The following CNTN4 variants were observed in gnomAD, a reference collection of about 807,000 sequenced individuals.
CNTN4 encodes the protein contactin 4.
A neutral mutation model predicts 122.5 loss-of-function variants in CNTN4; 77 were observed. The observed-to-expected ratio is 0.63, with a 90% CI of 0.52 to 0.76. CNTN4 has a LOEUF of 0.76. Among genes scored for constraint, CNTN4 ranks in the 30% least tolerant of loss-of-function variants. CNTN4 has a pLI of 0.00. For synonymous variants in CNTN4, 512 were observed against 447.0 expected (o/e 1.15, Z -1.83); for missense variants, 1,256 against 1,259.1 (o/e 1.00, Z 0.04).
At chr3:2,762,150 A>T (rs1032563032) in intron 6 of CNTN4, among the ~76,000 whole-genome samples, 1 of 152,234 alleles carries the variant, frequency 6.6e-6, no homozygotes, top group Non-Finnish European at 1.5e-5. Context: ...AACGAAGGGC[A>T]GAATAAGCAG....
chr3:2,657,187 A>G (rs79350564), intron 4 of CNTN4, among the ~76,000 whole-genome samples: 7,231 of 152,292 alleles, frequency 0.047, 191 homozygotes, highest in Admixed American at 0.071. Context: ...TGTCTTTGTA[A>G]ACATTCCTAC....
In CNTN4 at chr3:2,100,549, C is replaced by G. The variant is rs575276544; in HGVS notation, c.-226-9C>G. The G allele has an allele frequency of 6.6e-4, 101 of 152,334 alleles. No homozygotes were observed. Among genetic ancestry groups the G allele is most frequent in the African/African-American group, 2.3e-3 (96 of 41,556 alleles). 9.4% of individuals were successfully genotyped at this position (152,334 alleles called of 1,614,324 possible). On this transcript the variant is annotated splice_polypyrimidine_tract_variant and intron_variant, in intron 1 of 24. Coordinates refer to ENST00000418658, the MANE Select transcript of CNTN4 (RefSeq NM_175607.3). Reference sequence around the variant, plus strand: ...AAGTTTGTTCTCTCTTTCTCTCTCTCTACCCAAGTGGGTGAAAAAGAACAG... The same window carrying G: ...AAGTTTGTTCTCTCTTTCTCTCTCTGTACCCAAGTGGGTGAAAAAGAACAG...
At chr3:2,369,042 A>G (rs1176826947) in intron 3 of CNTN4, among the ~76,000 whole-genome samples, 2 of 152,074 alleles carry the variant, frequency 1.3e-5, no homozygotes, top group African/African-American at 4.8e-5. Flanking sequence ...CTCCTGCCTC[A>G]GCTCCCGAGT....
At chr3:2,198,455 A>C (rs1246413215) in intron 2 of CNTN4, among the ~76,000 whole-genome samples, 1 of 152,160 alleles carries the variant, frequency 6.6e-6, no homozygotes, top group Non-Finnish European at 1.5e-5. Flanking sequence ...ACTTTACAGT[A>C]ATTTTACTTA....
intron 2 of CNTN4, among the ~76,000 whole-genome samples, chr3:2,185,316 A>G (rs191974150): frequency 9.2e-5 from 14 of 152,256 alleles, no homozygotes; most frequent in Non-Finnish European, 1.2e-4. Flanking sequence ...CCTTTGCAGG[A>G]AAGTGCTTTC....
intron 2 of CNTN4, among the ~76,000 whole-genome samples, chr3:2,231,232 T>C (rs2039474946): frequency 6.6e-6 from 1 of 152,162 alleles, no homozygotes; most frequent in Non-Finnish European, 1.5e-5. Flanking sequence ...ACATTGCAAA[T>C]ACTCAATAGT....
intron 3 of CNTN4, among the ~76,000 whole-genome samples, chr3:2,371,378 C>T (rs1369610862): frequency 6.6e-6 from 1 of 152,126 alleles, no homozygotes; most frequent in African/African-American, 2.4e-5. Flanking sequence ...CTTTAACACC[C>T]TATTTAAAAT....
chr3:2,272,547 G>A (rs752919875), intron 2 of CNTN4, among the ~76,000 whole-genome samples: 2 of 152,086 alleles, frequency 1.3e-5, no homozygotes, highest in Non-Finnish European at 2.9e-5. Flanking sequence ...AGATCTTTGT[G>A]CATACCAATT....
chr3:2,830,272 A>C (rs967422358), intron 7 of CNTN4, among the ~76,000 whole-genome samples: 70 of 152,320 alleles, frequency 4.6e-4, no homozygotes, highest in African/African-American at 1.6e-3. Context: ...AGTTGAGTAC[A>C]TCTCTATTTT....
At chr3:2,306,305 A>G (rs571429788) in intron 2 of CNTN4, among the ~76,000 whole-genome samples, 3 of 152,130 alleles carry the variant, frequency 2.0e-5, no homozygotes, top group African/African-American at 7.2e-5. Flanking sequence ...ATATGTTGCT[A>G]GATTTGTGGT....
At chr3:2,100,799 T>C (rs1005049135) in intron 2 of CNTN4, among the ~76,000 whole-genome samples, 160 bp downstream of exon 2, 2 of 152,230 alleles carry the variant, frequency 1.3e-5, no homozygotes, top group African/African-American at 4.8e-5. Context: ...ATTTGTTTGT[T>C]GAAGCTGGTT....
At chr3:2,652,655 A>T (rs576497169) in intron 4 of CNTN4, among the ~76,000 whole-genome samples, 362 of 152,250 alleles carry the variant, frequency 2.4e-3, no homozygotes, top group Non-Finnish European at 3.9e-3. Flanking sequence ...GAGCACAGGG[A>T]CTTGTCCAAT....
intron 13 of CNTN4, among the ~76,000 whole-genome samples, chr3:2,939,845 A>C (rs375020482): frequency 1.3e-5 from 2 of 152,356 alleles, no homozygotes; most frequent in African/African-American, 4.8e-5. Flanking sequence ...GCAAGGGCTC[A>C]AAAGAGTGGA....
intron 2 of CNTN4, among the ~76,000 whole-genome samples, chr3:2,133,800 A>G (rs1361836980): frequency 6.6e-6 from 1 of 152,140 alleles, no homozygotes; most frequent in East Asian, 1.9e-4. Context: ...TTAATTTAAG[A>G]TTATTTTCCT....
chr3:2,568,722 C>T (rs772168498), intron 3 of CNTN4, among the ~76,000 whole-genome samples: 7 of 152,186 alleles, frequency 4.6e-5, no homozygotes, highest in Admixed American at 1.3e-4. Flanking sequence ...TTACTGTCCA[C>T]GACCCCATTA....
chr3:2,124,297 A>G (rs1416882026), intron 2 of CNTN4, among the ~76,000 whole-genome samples: 2 of 152,184 alleles, frequency 1.3e-5, no homozygotes, highest in African/African-American at 2.4e-5. Context: ...ACGGTTAGCC[A>G]TGCCACTAAG....
At chr3:2,343,920 A>G (rs903939104) in intron 3 of CNTN4, among the ~76,000 whole-genome samples, 13 of 152,178 alleles carry the variant, frequency 8.5e-5, no homozygotes, top group Admixed American at 8.5e-4. Context: ...ACTTACAATT[A>G]TGACAGAGGG....
At chr3:2,966,041 G>A (rs1692273809) in intron 13 of CNTN4, among the ~76,000 whole-genome samples, 1 of 152,086 alleles carries the variant, frequency 6.6e-6, no homozygotes. Context: ...TTTCCTAAAG[G>A]GAAGGGTTAT....
At chr3:2,650,192 G>A (rs1002928504) in intron 4 of CNTN4, among the ~76,000 whole-genome samples, 16 of 151,562 alleles carry the variant, frequency 1.1e-4, no homozygotes, top group African/African-American at 3.6e-4. Context: ...CAACCCTCAC[G>A]GATGACTTTG....
Sources: allele counts gnomAD v4.1 joint callset (sites outside exome capture counted in the v4.1 genomes callset), GRCh38; gene constraint gnomAD v4.1.1; transcripts MANE v1.5; gene names NCBI Gene and HGNC (gene_info 2026-07-23, HGNC 2026-07-21).